The following BPNT2 variants were observed in gnomAD, a reference collection of about 807,000 sequenced individuals.
BPNT2 encodes the protein 3'(2'), 5'-bisphosphate nucleotidase 2.
Under a neutral mutation model 29.3 loss-of-function variants are expected in BPNT2, and 11 were observed. That is an observed-to-expected ratio of 0.38 (90% CI 0.24 to 0.62). The LOEUF (loss-of-function observed/expected upper bound fraction) is 0.62, where lower values mean the gene tolerates loss of function less well. BPNT2 is among the 20% of genes least tolerant of loss of function. BPNT2 has a pLI of 0.62. For missense variants in BPNT2, 459 were observed against 473.4 expected, an observed-to-expected ratio of 0.97 and a Z score of 0.28; for synonymous variants, 195 against 187.7, an observed-to-expected ratio of 1.04 and a Z score of -0.32.
At chr8:56,968,573 G>A (rs1805985894) in intron 3 of BPNT2, among the ~76,000 whole-genome samples, 1 of 152,186 alleles carries the variant, frequency 6.6e-6, no homozygotes, top group East Asian at 1.9e-4. Context: ...GGGAGGCCAA[G>A]GTCGGAGGAT....
intron 4 of BPNT2, among the ~76,000 whole-genome samples, chr8:56,965,294 G>T (rs924249051): frequency 3.3e-5 from 5 of 152,136 alleles, no homozygotes; most frequent in African/African-American, 1.2e-4. Flanking sequence ...ACTCCAGCCT[G>T]GGAGACAGAA....
In BPNT2 at chr8:56,966,281, C is replaced by T. The variant is rs775694914; in HGVS notation, c.718G>A (p.Val240Ile). Residue 240 changes from valine (V) to isoleucine (I), a missense_variant, in exon 4 of 5, where the codon GTT becomes ATT. Transcript: ENST00000262644. The stretch of plus-strand genomic sequence containing the variant: ...ATCCCTGAATGGGAACGAGACACAA[C>T]GATCCTTGGGGTCTTCTCATTGTAG... ...SSYNEKTPRI[V>I]VSRSHSGMVK... The T allele has an allele frequency of 2.0e-5, 33 of 1,613,758 alleles. No individual in the cohort carries two copies. Among genetic ancestry groups the T allele is most frequent in the East Asian group, 6.7e-5 (3 of 44,868 alleles).
intron 3 of BPNT2, among the ~76,000 whole-genome samples, chr8:56,970,044 G>T (rs923787395): frequency 6.6e-6 from 1 of 152,102 alleles, no homozygotes; most frequent in Non-Finnish European, 1.5e-5. Context: ...AATATATGTA[G>T]AAACAACAGA....
At chr8:56,970,775 G>C (rs1806018282) in intron 3 of BPNT2, among the ~76,000 whole-genome samples, 1 of 151,836 alleles carries the variant, frequency 6.6e-6, no homozygotes. Context: ...AGGTACACAG[G>C]CCAAAAAATA....
intron 1 of BPNT2, among the ~76,000 whole-genome samples, chr8:56,985,053 C>T (rs1251558525): frequency 2.6e-5 from 4 of 151,856 alleles, no homozygotes; most frequent in Non-Finnish European, 5.9e-5. Flanking sequence ...CTCAAAGTGG[C>T]CTTTCCTGAC....
At chr8:56,974,491 T>C (rs1476569772) in intron 3 of BPNT2, among the ~76,000 whole-genome samples, 2 of 152,222 alleles carry the variant, frequency 1.3e-5, no homozygotes, top group Non-Finnish European at 2.9e-5. Flanking sequence ...TGTAGCTAAA[T>C]TCTGGTAAAC....
At chr8:56,972,433 G>GA (rs966300739) in intron 3 of BPNT2, among the ~76,000 whole-genome samples, 109 of 147,660 alleles carry the variant, frequency 7.4e-4, no homozygotes, top group East Asian at 3.9e-3. Context: ...ATAATTGTGG[G>GA]AAAAAAAAAA....
At position 56,963,043 on chromosome 8, in the gene BPNT2, C is replaced by T. The variant is rs951952996; in HGVS notation, c.*750G>A. The T allele has an allele frequency of 6.6e-6, 1 of 152,172 alleles. No individual in the cohort carries two copies. Among genetic ancestry groups the T allele is most frequent in the Non-Finnish European group, 1.5e-5 (1 of 68,058 alleles). The allele number at this position is 152,172 out of a possible 1,614,324, so 9.4% of individuals were successfully genotyped here. On this transcript the variant is annotated 3_prime_UTR_variant, in exon 5 of 5. Coordinates refer to ENST00000262644, the MANE Select transcript of BPNT2 (RefSeq NM_017813.5). ...TTGGTCAGAAGGAAAAGGATGCAAC[C>T]ATGCATCTTCCACAGGGAAAATGAA...
intron 1 of BPNT2, among the ~76,000 whole-genome samples, chr8:56,990,510 A>T (rs1471641021): frequency 6.6e-6 from 1 of 152,164 alleles, no homozygotes; most frequent in Non-Finnish European, 1.5e-5. Flanking sequence ...TAACCTGAAG[A>T]AAACTGAAGA....
intron 1 of BPNT2, among the ~76,000 whole-genome samples, chr8:56,991,049 G>C (rs1458545718): frequency 6.6e-6 from 1 of 152,156 alleles, no homozygotes; most frequent in Non-Finnish European, 1.5e-5. Context: ...ATTTAAGACT[G>C]TACTTCTGGG....
chr8:56,985,276 C>G (rs1806310923), intron 1 of BPNT2, among the ~76,000 whole-genome samples: 1 of 152,096 alleles, frequency 6.6e-6, no homozygotes, highest in African/African-American at 2.4e-5. Flanking sequence ...ATAAATACAT[C>G]TTAACTGACA....
At chr8:56,988,676 G>A (rs1485783004) in intron 1 of BPNT2, among the ~76,000 whole-genome samples, 3 of 152,032 alleles carry the variant, frequency 2.0e-5, no homozygotes, top group Non-Finnish European at 2.9e-5. Context: ...CCGATGACTC[G>A]CAGATTTGTA....
At chr8:56,975,999 C>A (rs1403987433) in intron 3 of BPNT2, among the ~76,000 whole-genome samples, 1 of 152,160 alleles carries the variant, frequency 6.6e-6, no homozygotes, top group Non-Finnish European at 1.5e-5. Flanking sequence ...CCTTCAATGA[C>A]AGAATCCCTA....
chr8:56,958,834 T>C lies in BPNT2; in HGVS notation c.*4959A>G, dbSNP rs1445156768. ...TTTGGCTACTGCCGGTAGTGGACAA[T>C]ATGGCACATGGAAATTAAAAAGTCC... is the stretch of plus-strand genomic sequence containing the variant. On this transcript the variant is annotated 3_prime_UTR_variant, in exon 5 of 5. Coordinates refer to ENST00000262644, the MANE Select transcript of BPNT2 (RefSeq NM_017813.5). The C allele has an allele frequency of 6.6e-6, 1 of 152,128 alleles. No individual in the cohort carries two copies. The highest frequency in any genetic ancestry group is 1.5e-5 in the Non-Finnish European group (1 of 68,024). 9.4% of individuals were successfully genotyped at this position (152,128 alleles called of 1,614,324 possible).
intron 1 of BPNT2, among the ~76,000 whole-genome samples, chr8:56,982,940 A>C (rs1806268391): frequency 6.6e-6 from 1 of 152,228 alleles, no homozygotes; most frequent in Admixed American, 6.5e-5. Flanking sequence ...ATCATGCTAA[A>C]TCATGGATGA....
At position 56,978,131 on chromosome 8, in the gene BPNT2, A is replaced by C; in HGVS notation, c.565T>G (p.Tyr189Asp). Residue 189 changes from tyrosine (Y) to aspartate (D), a missense_variant, in exon 3 of 5, where the codon TAC becomes GAC. Tyr to Asp is a radical substitution (Grantham distance 160). Coordinates refer to ENST00000262644, the MANE Select transcript of BPNT2 (RefSeq NM_017813.5). ...TQEYTEDLRK[Y>D]VTTMVCVAVN... The stretch of plus-strand genomic sequence containing the variant: ...GCCACACACACCATAGTAGTGACGT[A>C]CTTTCGAAGATCCTCTATGAGAAAA... The C allele has an allele frequency of 6.2e-7, 1 of 1,608,550 alleles. No individual in the cohort carries two copies. Among genetic ancestry groups the C allele is most frequent in the Non-Finnish European group, 8.5e-7 (1 of 1,175,546 alleles).
chr8:56,965,892 G>A (rs1805939257), intron 4 of BPNT2, among the ~76,000 whole-genome samples: 1 of 152,164 alleles, frequency 6.6e-6, no homozygotes, highest in East Asian at 1.9e-4. Flanking sequence ...AGTTAAGTAA[G>A]ACAATTATTT....
intron 1 of BPNT2, among the ~76,000 whole-genome samples, chr8:56,983,684 C>G (rs1448803511): frequency 2.6e-5 from 4 of 152,116 alleles, no homozygotes; most frequent in African/African-American, 7.2e-5. Context: ...TTATTGAGCA[C>G]TGAGAAAATC....
intron 3 of BPNT2, among the ~76,000 whole-genome samples, chr8:56,971,363 G>C (rs1806027470): frequency 6.6e-6 from 1 of 150,628 alleles, no homozygotes; most frequent in South Asian, 2.1e-4. Context: ...ATTATTAATA[G>C]CTATAAAATT....
Sources: allele counts gnomAD v4.1 joint callset (sites outside exome capture counted in the v4.1 genomes callset), GRCh38; gene constraint gnomAD v4.1.1; transcripts MANE v1.5; gene names NCBI Gene and HGNC (gene_info 2026-07-23, HGNC 2026-07-21).